The following PCDHGB4 variants were observed in gnomAD, a reference collection of about 807,000 sequenced individuals.
PCDHGB4 encodes protocadherin gamma-B4.
In PCDHGB4, 38 loss-of-function variants were observed where a neutral mutation model predicts 60.5. That is an observed-to-expected ratio of 0.63 (90% CI 0.48 to 0.82). The LOEUF (loss-of-function observed/expected upper bound fraction) is 0.82. Ranked by LOEUF, PCDHGB4 falls within the 40% of genes least tolerant of loss-of-function variation. PCDHGB4 has a pLI of 0.00. For synonymous variants in PCDHGB4, 456 were observed against 509.7 expected (o/e 0.89, Z 1.42); for missense variants, 1,109 against 1,209.6 (o/e 0.92, Z 1.23).
At chr5:141,408,605 A>G (rs1374368607) in intron 1 of PCDHGB4, 1 of 1,614,060 alleles carries the variant, frequency 6.2e-7, no homozygotes, top group South Asian at 1.1e-5. Flanking sequence ...TCAATTTGAT[A>G]AAAAGGAAAT....
At chr5:141,451,151 A>AT (rs1324071351) in intron 1 of PCDHGB4, among the ~76,000 whole-genome samples, 2 of 152,190 alleles carry the variant, frequency 1.3e-5, no homozygotes, top group Admixed American at 6.5e-5. Context: ...TAGACTAGAC[A>AT]TTTTTTTGGT....
intron 1 of PCDHGB4, chr5:141,410,847 G>GTA: frequency 1.9e-5 from 3 of 158,244 alleles, no homozygotes; most frequent in East Asian, 1.3e-4. Flanking sequence ...TTTTGTCTTT[G>GTA]TCTTTTTTTT....
chr5:141,467,923 T>C lies in PCDHGB4; in HGVS notation c.2398-26884T>C, dbSNP rs190816380. Among the ~76,000 whole-genome samples the C allele has an allele frequency of 3.9e-3, 588 of 151,590 alleles. 5 individuals carry two copies. Among genetic ancestry groups the C allele is most frequent in the Admixed American group, 0.011 (168 of 15,214 alleles). ...ATCCGCCCACCTCAGCCTCCCAAAA[T>C]GCTAGGATTACAAGCATGAGCCACC... On this transcript the variant is annotated intron_variant, in intron 1 of 3. Coordinates refer to ENST00000519479, the MANE Select transcript of PCDHGB4 (RefSeq NM_003736.4).
At chr5:141,410,340 T>C (rs1408707323) in intron 1 of PCDHGB4, 5 of 1,614,068 alleles carry the variant, frequency 3.1e-6, no homozygotes, top group Non-Finnish European at 2.5e-6. Context: ...GCCATTGCCT[T>C]GCGCCTGCGA....
At chr5:141,496,581 C>T (rs868326584) in intron 2 of PCDHGB4, among the ~76,000 whole-genome samples, 9 of 152,134 alleles carry the variant, frequency 5.9e-5, no homozygotes, top group African/African-American at 1.9e-4. Flanking sequence ...ATTTTAGGAA[C>T]GCAAAGCGCT....
chr5:141,414,263 A>G, intron 1 of PCDHGB4: 1 of 1,613,500 alleles, frequency 6.2e-7, no homozygotes, highest in Non-Finnish European at 8.5e-7. Flanking sequence ...GTGACTGAAG[A>G]TTCACCTCTG....
rs1457099502 is a variant in PCDHGB4 at position 141,477,430 on chromosome 5, A to G, written c.2398-17377A>G. The G allele has an allele frequency of 1.2e-6, 2 of 1,614,162 alleles. No individual in the cohort carries two copies. The highest frequency in any genetic ancestry group is 1.7e-6 in the Non-Finnish European group (2 of 1,180,020). Reference sequence around the variant, plus strand: ...GAGACGCCGGAACCCCTTCCCTCTCAGCCCTTACAATAGTGCGTGTTCAAG... The same window carrying G: ...GAGACGCCGGAACCCCTTCCCTCTCGGCCCTTACAATAGTGCGTGTTCAAG... On this transcript the variant is annotated intron_variant, in intron 1 of 3. Transcript: ENST00000519479. This position sits in a 1 kb window ranked among gnomAD's most constrained non-coding sequence, Gnocchi z 4.9.
At chr5:141,492,578 G>A (rs1380328678) in intron 1 of PCDHGB4, among the ~76,000 whole-genome samples, 1 of 152,216 alleles carries the variant, frequency 6.6e-6, no homozygotes, top group Non-Finnish European at 1.5e-5. Flanking sequence ...CGAGGCGCGG[G>A]GCCAGGAGCG....
intron 3 of PCDHGB4, among the ~76,000 whole-genome samples, chr5:141,510,511 T>C (rs2099881465): frequency 6.6e-6 from 1 of 152,142 alleles, no homozygotes; most frequent in Non-Finnish European, 1.5e-5. Context: ...TGAGAGCCCG[T>C]GTCACAGCCC....
At chr5:141,433,951 A>G (rs2097667078) in intron 1 of PCDHGB4, among the ~76,000 whole-genome samples, 1 of 152,032 alleles carries the variant, frequency 6.6e-6, no homozygotes, top group African/African-American at 2.4e-5. Context: ...TGTTTCTTCT[A>G]CAGTTGTTAA....
At chr5:141,408,608 A>C in intron 1 of PCDHGB4, 1 of 1,614,072 alleles carries the variant, frequency 6.2e-7, no homozygotes, top group South Asian at 1.1e-5. Context: ...ATTTGATAAA[A>C]AGGAAATACA....
chr5:141,409,226 G>A (rs753236012), intron 1 of PCDHGB4: 1 of 1,613,862 alleles, frequency 6.2e-7, no homozygotes, highest in African/African-American at 1.3e-5. Flanking sequence ...TGATGAAAAC[G>A]ACAACAGCCC....
intron 1 of PCDHGB4, chr5:141,399,717 C>T (rs748626326): frequency 3.1e-6 from 5 of 1,613,320 alleles, no homozygotes; most frequent in Non-Finnish European, 4.2e-6. Context: ...CACTACAGGC[C>T]CGCGACCAGG....
At chr5:141,472,980 C>CAAAAAAAAAA (rs60579131) in intron 1 of PCDHGB4, among the ~76,000 whole-genome samples, 34 of 85,838 alleles carry the variant, frequency 4.0e-4, no homozygotes, top group South Asian at 1.3e-3. Context: ...GAGTGAAACT[C>CAAAAAAAAAA]AAAAAAAAAA....
intron 1 of PCDHGB4, chr5:141,415,677 C>T (rs375781400): frequency 4.7e-6 from 7 of 1,499,248 alleles, no homozygotes; most frequent in Middle Eastern, 1.8e-4. Flanking sequence ...TTGAAGTTTG[C>T]GGCATGATGG....
At chr5:141,445,632 T>C (rs940642775) in intron 1 of PCDHGB4, among the ~76,000 whole-genome samples, 19 of 152,116 alleles carry the variant, frequency 1.2e-4, no homozygotes, top group Admixed American at 1.1e-3. Flanking sequence ...GAAAGTGATA[T>C]TTAGAGAGAT....
chr5:141,460,848 C>T lies in PCDHGB4; in HGVS notation c.2398-33959C>T, dbSNP rs528601988. Among the ~76,000 whole-genome samples, 257 of 150,340 alleles carry T rather than the reference C, an allele frequency of 1.7e-3. 1 individual carries two copies. The highest frequency in any genetic ancestry group is 4.2e-3 in the Admixed American group (62 of 14,868). ...ACACTTAAAGTAATGGCCTCCAGTT[C>T]GATCCAAGTTGCTGCAAAGGACATT... is the stretch of plus-strand genomic sequence containing the variant. On this transcript the variant is annotated intron_variant, in intron 1 of 3. Transcript: ENST00000519479.
intron 1 of PCDHGB4, chr5:141,402,983 G>A (rs748129276): frequency 6.2e-6 from 10 of 1,609,166 alleles, no homozygotes; most frequent in African/African-American, 1.3e-5. Flanking sequence ...CCAGCTCCGC[G>A]GAAGATTAGT....
At chr5:141,427,509 G>T in intron 1 of PCDHGB4, 1 of 588,640 alleles carries the variant, frequency 1.7e-6, no homozygotes, top group Non-Finnish European at 3.2e-6. Flanking sequence ...TGGGACCCTG[G>T]ATTGGGAGCG....
Sources: allele counts gnomAD v4.1 joint callset (sites outside exome capture counted in the v4.1 genomes callset), GRCh38; gene constraint gnomAD v4.1.1; non-coding constraint Gnocchi (gnomAD v3.1); transcripts MANE v1.5; gene names NCBI Gene and HGNC (gene_info 2026-07-23, HGNC 2026-07-21).